Variants in FBN2 observed in about 807,000 individuals in gnomAD.
FBN2 encodes fibrillin 2.
Under a neutral mutation model 355.6 loss-of-function variants are expected in FBN2, and 105 were observed. The observed-to-expected ratio is 0.30, with a 90% CI of 0.25 to 0.35. The LOEUF (loss-of-function observed/expected upper bound fraction) is 0.35. Among genes scored for constraint, FBN2 ranks in the 10% least tolerant of loss-of-function variants. The pLI, the probability that FBN2 is intolerant of heterozygous loss-of-function variation, is 1.00. For synonymous variants in FBN2, 1,350 were observed against 1,301.2 expected (o/e 1.04, Z -0.81); for missense variants, 3,280 against 3,758.7 (o/e 0.87, Z 3.33).
chr5:128,343,500 G>C (rs1183541015), intron 25 of FBN2, among the ~76,000 whole-genome samples: 6 of 152,208 alleles, frequency 3.9e-5, no homozygotes, highest in Non-Finnish European at 7.3e-5. Flanking sequence ...AGGCAGGAGG[G>C]AGTGCGATAA....
intron 7 of FBN2, among the ~76,000 whole-genome samples, chr5:128,439,341 T>C (rs1028599340): frequency 6.6e-6 from 1 of 152,198 alleles, no homozygotes; most frequent in Non-Finnish European, 1.5e-5. Context: ...AGGGCACTTT[T>C]ATACTCTTAT....
Position 128,259,440 on chromosome 5 carries a change from C to T in FBN2, c.*15G>A, listed in dbSNP as rs1764903634. The T allele has an allele frequency of 6.2e-7, 1 of 1,612,362 alleles. No individual in the cohort carries two copies. The highest frequency in any genetic ancestry group is 8.5e-7 in the Non-Finnish European group (1 of 1,179,866). ...CTGTGCTAGGATTTGAGCCTGGGCC[C>T]AAGTCTGTGAAGGGTTAATAGAGCT... On this transcript the variant is annotated 3_prime_UTR_variant, in exon 65 of 65. Transcript: ENST00000262464.
intron 7 of FBN2, among the ~76,000 whole-genome samples, chr5:128,426,481 T>C (rs1004010366): frequency 2.0e-5 from 3 of 152,208 alleles, no homozygotes; most frequent in Non-Finnish European, 4.4e-5. Flanking sequence ...TTGAAACTGC[T>C]AGAGTGCAAG....
chr5:128,304,793 CA>C (rs764474778), intron 45 of FBN2, among the ~76,000 whole-genome samples, 163 bp downstream of exon 45: 5 of 151,998 alleles, frequency 3.3e-5, no homozygotes, highest in Admixed American at 6.5e-5. Flanking sequence ...TCCCTGCTTG[CA>C]AATTTTATAT....
intron 58 of FBN2, among the ~76,000 whole-genome samples, chr5:128,277,163 T>A (rs1765415852): frequency 1.3e-5 from 2 of 152,166 alleles, no homozygotes; most frequent in Admixed American, 1.3e-4. Flanking sequence ...TTTGATAGAA[T>A]ATCAAGTAAG....
At chr5:128,343,312 G>A (rs1215853204) in intron 25 of FBN2, among the ~76,000 whole-genome samples, 1 of 152,192 alleles carries the variant, frequency 6.6e-6, no homozygotes, top group East Asian at 1.9e-4. Context: ...AGCCAGAGTG[G>A]AGAAAACAGG....
chr5:128,369,001 G>A (rs186311284), intron 16 of FBN2, among the ~76,000 whole-genome samples, 181 bp downstream of exon 16: 42 of 152,138 alleles, frequency 2.8e-4, no homozygotes, highest in East Asian at 1.5e-3. Flanking sequence ...CCTAGAAATC[G>A]TATATAAACA....
chr5:128,486,565 T>C (rs1191205404), intron 5 of FBN2, among the ~76,000 whole-genome samples: 1 of 152,156 alleles, frequency 6.6e-6, no homozygotes, highest in Admixed American at 6.6e-5. Flanking sequence ...CTCAGAACCT[T>C]TTCCTATGCA....
chr5:128,312,637 T>A lies in FBN2; in HGVS notation c.4876A>T (p.Ser1626Cys). Residue 1626 changes from serine (S) to cysteine (C), a missense_variant, in exon 37 of 65, where the codon AGC becomes TGC. By Grantham distance (112) the Ser-to-Cys change is moderately radical. Coordinates refer to ENST00000262464, the MANE Select transcript of FBN2 (RefSeq NM_001999.4). Reference sequence around the variant, plus strand: ...TCTTCTTCAGCTTTGTACTTACTGCTATTGACAGGGGGGCATGTCTCACAG... The same window carrying A: ...TCTTCTTCAGCTTTGTACTTACTGCAATTGACAGGGGGGCATGTCTCACAG... Reference protein sequence around the residue: ...NPCETCPPVNSTEYYTLCPGG... With the variant: ...NPCETCPPVNCTEYYTLCPGG... 6.2e-7 allele frequency: 1 copy of A among 1,614,116 alleles called. No individual in the cohort carries two copies. Among genetic ancestry groups the A allele is most frequent in the Non-Finnish European group, 8.5e-7 (1 of 1,180,010 alleles).
intron 18 of FBN2, 129 bp from the exon 19 acceptor site, chr5:128,361,977 G>A: frequency 1.1e-6 from 1 of 942,836 alleles, no homozygotes; most frequent in Admixed American, 1.7e-5. Flanking sequence ...CTGTATCACA[G>A]CGCACTCTTC....
intron 44 of FBN2, among the ~76,000 whole-genome samples, 172 bp from the exon 45 acceptor site, chr5:128,305,254 T>C (rs1247905410): frequency 6.6e-6 from 1 of 152,196 alleles, no homozygotes; most frequent in Non-Finnish European, 1.5e-5. Context: ...AACCCTCTTT[T>C]TTTAATCATG....
At chr5:128,328,629 C>A in intron 34 of FBN2, 67 bp downstream of exon 34, 1 of 1,565,538 alleles carries the variant, frequency 6.4e-7, no homozygotes, top group Admixed American at 1.7e-5. Flanking sequence ...TTGTTCCAGC[C>A]CTTGTTGTGG....
intron 5 of FBN2, among the ~76,000 whole-genome samples, chr5:128,472,065 T>C (rs1487094189): frequency 2.0e-5 from 3 of 152,108 alleles, no homozygotes; most frequent in African/African-American, 7.3e-5. Context: ...TATCTACCCA[T>C]GTTCACAGCA....
chr5:128,368,455 CACATATATATACAT>C (rs1751837854), intron 16 of FBN2, among the ~76,000 whole-genome samples: 1 of 132,018 alleles, frequency 7.6e-6, no homozygotes, highest in South Asian at 2.4e-4. Context: ...CATATATATA[CACATATATATACAT>C]ATATATACAT....
chr5:128,522,744 AT>A (rs1413785859), intron 4 of FBN2, among the ~76,000 whole-genome samples: 8 of 152,098 alleles, frequency 5.3e-5, no homozygotes, highest in East Asian at 3.9e-4. Context: ...AAAAGAACAT[AT>A]TTTTTTGTAA....
At chr5:128,479,970 CTCTCTCTATATATATATATA>C (rs1278283074) in intron 5 of FBN2, among the ~76,000 whole-genome samples, 146 of 24,238 alleles carry the variant, frequency 6.0e-3, no homozygotes, top group African/African-American at 0.011. Context: ...CTCTCTCTCT[CTCTCTCTATATATATATATA>C]TATATATATA....
chr5:128,417,609 T>C lies in FBN2; in HGVS notation c.953-8810A>G, dbSNP rs116013355. On this transcript the variant is annotated intron_variant, in intron 7 of 64. Coordinates refer to ENST00000262464, the MANE Select transcript of FBN2 (RefSeq NM_001999.4). ...TTTCCTGCATCTATTGAGATGATCA[T>C]ATGGTTTTCATCCTTCATTCTGCTG... is the stretch of plus-strand genomic sequence containing the variant. Among the ~76,000 whole-genome samples the C allele has an allele frequency of 2.3e-3, 357 of 152,312 alleles. 2 individuals are homozygous for C. Among genetic ancestry groups the C allele is most frequent in the African/African-American group, 8.2e-3 (342 of 41,590 alleles).
At chr5:128,476,411 A>C (rs1444105444) in intron 5 of FBN2, among the ~76,000 whole-genome samples, 1 of 152,148 alleles carries the variant, frequency 6.6e-6, no homozygotes, top group East Asian at 1.9e-4. Flanking sequence ...AAATAAAATG[A>C]GTAGAAAATA....
intron 36 of FBN2, among the ~76,000 whole-genome samples, chr5:128,316,616 T>C (rs529550855): frequency 3.3e-4 from 50 of 152,324 alleles, no homozygotes; most frequent in Non-Finnish European, 6.3e-4. Flanking sequence ...TCTACACTTC[T>C]ACCAGCAGAA....
Sources: allele counts gnomAD v4.1 joint callset (sites outside exome capture counted in the v4.1 genomes callset), GRCh38; gene constraint gnomAD v4.1.1; transcripts MANE v1.5; gene names NCBI Gene and HGNC (gene_info 2026-07-23, HGNC 2026-07-21).